Variants in RFWD3 observed in about 807,000 individuals in gnomAD.
RFWD3 encodes E3 ubiquitin-protein ligase RFWD3.
A neutral mutation model predicts 87.7 loss-of-function variants in RFWD3; 65 were observed. The ratio of observed to expected loss-of-function variants is 0.74; its 90% confidence interval spans 0.61 to 0.91. The LOEUF is 0.91. Among genes scored for constraint, RFWD3 ranks in the 40% least tolerant of loss-of-function variants. The pLI, the probability that RFWD3 is intolerant of heterozygous loss-of-function variation, is 0.00. For missense variants in RFWD3, 1,078 were observed against 938.5 expected (o/e 1.15, Z -1.94); for synonymous variants, 433 against 352.8 (o/e 1.23, Z -2.55).
intron 8 of RFWD3, among the ~76,000 whole-genome samples, chr16:74,635,768 C>G (rs556786158): frequency 3.1e-4 from 47 of 152,224 alleles, no homozygotes; most frequent in African/African-American, 1.1e-3. Context: ...CTAAAGACAG[C>G]AGAAAGAAAC....
At chr16:74,649,251 G>C in intron 3 of RFWD3, 49 bp from the exon 4 acceptor site, 1 of 1,351,086 alleles carries the variant, frequency 7.4e-7, no homozygotes, top group Non-Finnish European at 1.0e-6. Context: ...TACAAAATAA[G>C]ATATGTCAGG....
chr16:74,657,597 T>C (rs1418142988), intron 2 of RFWD3, among the ~76,000 whole-genome samples: 4 of 151,920 alleles, frequency 2.6e-5, no homozygotes, highest in Non-Finnish European at 5.9e-5. Context: ...TGCCTCAGTC[T>C]CCTGAGCAGC....
intron 6 of RFWD3, among the ~76,000 whole-genome samples, chr16:74,639,556 A>G (rs1342395854): frequency 6.6e-6 from 1 of 152,240 alleles, no homozygotes; most frequent in African/African-American, 2.4e-5. Flanking sequence ...AGGATATTAC[A>G]TAATGTTCAT....
intron 4 of RFWD3, among the ~76,000 whole-genome samples, chr16:74,645,746 T>A (rs1051430183): frequency 1.1e-3 from 19 of 16,942 alleles, no homozygotes; most frequent in Middle Eastern, 0.033. Flanking sequence ...AAATATTTTC[T>A]TTTTTTTTTT....
intron 4 of RFWD3, 81 bp from the exon 5 acceptor site, chr16:74,644,816 AG>A: frequency 1.5e-6 from 2 of 1,318,426 alleles, no homozygotes. Flanking sequence ...AGAAATTAAC[AG>A]AAGTGCAAAA....
chr16:74,633,295 A>G (rs1959163102), intron 8 of RFWD3, among the ~76,000 whole-genome samples: 1 of 146,226 alleles, frequency 6.8e-6, no homozygotes, highest in South Asian at 2.2e-4. Flanking sequence ...AAAAAAAAAG[A>G]AAAGAAAAAA....
chr16:74,645,383 G>GA (rs2144207767), intron 4 of RFWD3, among the ~76,000 whole-genome samples: 1 of 152,324 alleles, frequency 6.6e-6, no homozygotes, highest in Non-Finnish European at 1.5e-5. Context: ...TTGACAATGG[G>GA]AATACATTCT....
chr16:74,665,032 G>A (rs1464731802), intron 1 of RFWD3, among the ~76,000 whole-genome samples: 2 of 152,206 alleles, frequency 1.3e-5, no homozygotes, highest in Non-Finnish European at 2.9e-5. Context: ...TGTGAGCGGT[G>A]CTTAAAATGT....
rs200900059 is a variant in RFWD3, at chr16:74,630,804, C to A, written c.1731G>T (p.Gln577His). Residue 577 changes from glutamine (Q) to histidine (H), a missense_variant, in exon 10 of 13, where the codon CAG becomes CAT. Physicochemically the swap from Gln to His is conservative, Grantham distance 24. Coordinates refer to ENST00000361070, the MANE Select transcript of RFWD3 (RefSeq NM_018124.4). The stretch of plus-strand genomic sequence containing the variant: ...ACCTGGCTTTCTGAGCTACTAACTC[C>A]TGCACATGACTGCTCGTGTTTCGCA... ...YDVRNTSSHV[Q>H]ELVAQKARCP... The A allele has an allele frequency of 1.8e-4, 290 of 1,608,148 alleles. No homozygotes were observed. The highest frequency in any genetic ancestry group is 2.4e-4 in the Non-Finnish European group (280 of 1,177,846).
intron 6 of RFWD3, among the ~76,000 whole-genome samples, chr16:74,643,582 G>A (rs1361140285): frequency 6.6e-6 from 1 of 151,040 alleles, no homozygotes; most frequent in African/African-American, 2.4e-5. Flanking sequence ...AGTAAAGTGT[G>A]AACCCATGTC....
chr16:74,624,095 G>T, intron 12 of RFWD3, 24 bp from the exon 13 acceptor site: 1 of 1,611,282 alleles, frequency 6.2e-7, no homozygotes. Flanking sequence ...GCAGAGGGAA[G>T]GGTCAGGAGT....
intron 3 of RFWD3, among the ~76,000 whole-genome samples, chr16:74,650,865 T>C (rs548873645): frequency 6.7e-6 from 1 of 150,112 alleles, no homozygotes; most frequent in South Asian, 2.1e-4. Flanking sequence ...GGACAGAGTG[T>C]AACCCTGTCT....
rs375271451 is a variant in RFWD3 at position 74,636,354 on chromosome 16, A to G, written c.1418T>C (p.Phe473Ser). 2 of 1,613,736 alleles carry G rather than the reference A, an allele frequency of 1.2e-6. No individual in the cohort carries two copies. The highest frequency in any genetic ancestry group is 1.7e-6 in the Non-Finnish European group (2 of 1,179,718). Residue 473 changes from phenylalanine to serine, a missense_variant, in exon 8 of 13, where the codon TTT becomes TCT. By Grantham distance (155) the Phe-to-Ser change is radical (BLOSUM62 -2). Transcript: ENST00000361070. ...VISQPSPQAS[F>S]LPGFGVKMLS... ...GGTTCTAGACTCTTTACCTGGAAGAAAAGAGGCCTGAGGAGAAGGCTGTGA... is the reference window on the plus strand; with the variant it reads ...GGTTCTAGACTCTTTACCTGGAAGAGAAGAGGCCTGAGGAGAAGGCTGTGA...
intron 8 of RFWD3, among the ~76,000 whole-genome samples, chr16:74,634,816 A>AG (rs921731690): frequency 2.8e-4 from 42 of 148,252 alleles, no homozygotes; most frequent in Middle Eastern, 3.4e-3. Flanking sequence ...GGAAAAAAAA[A>AG]GGGGGGAAGG....
At chr16:74,626,839 G>A (rs1567565239) in intron 11 of RFWD3, among the ~76,000 whole-genome samples, 1 of 152,022 alleles carries the variant, frequency 6.6e-6, no homozygotes, top group Non-Finnish European at 1.5e-5. Context: ...GTCTGTTTTA[G>A]TAAAATCAGT....
chr16:74,652,821 G>A (rs1960665590), intron 2 of RFWD3, among the ~76,000 whole-genome samples: 1 of 152,148 alleles, frequency 6.6e-6, no homozygotes, highest in Non-Finnish European at 1.5e-5. Context: ...TGAGGAGTTT[G>A]AGGCCACTTT....
At chr16:74,646,654 C>T (rs1960170878) in intron 4 of RFWD3, among the ~76,000 whole-genome samples, 2 of 151,926 alleles carry the variant, frequency 1.3e-5, no homozygotes, top group South Asian at 4.2e-4. Context: ...GGCATGACGG[C>T]GTGTGCCTGT....
intron 4 of RFWD3, 143 bp downstream of exon 4, chr16:74,648,989 G>A: frequency 2.3e-6 from 1 of 443,018 alleles, no homozygotes; most frequent in South Asian, 3.0e-5. Context: ...GGCTGAAGTG[G>A]GAGGATCCTT....
chr16:74,660,891 A>C lies in RFWD3; in HGVS notation c.518+41T>G, dbSNP rs1472645837. The C allele has an allele frequency of 3.9e-6, 6 of 1,555,098 alleles. No individual in the cohort carries two copies. In the South Asian group the frequency reaches 6.1e-5, roughly 16 times the overall value. ...GCAGAGCCTCAGTTTCATAATTTCTAGTACAGCAATGATCACAGACTTATC... is the reference window on the plus strand; with the variant it reads ...GCAGAGCCTCAGTTTCATAATTTCTCGTACAGCAATGATCACAGACTTATC... On this transcript the variant is annotated intron_variant, in intron 2 of 12. Transcript: ENST00000361070.
Sources: gnomAD v4.1 joint callset for allele counts (sites outside exome capture counted in the v4.1 genomes callset) on GRCh38, gnomAD v4.1.1 for gene constraint, MANE v1.5 for transcripts, NCBI Gene and HGNC (gene_info 2026-07-23, HGNC 2026-07-21) for gene names.